Variants in NCOA2 observed in about 807,000 individuals in gnomAD.
NCOA2 encodes the protein class E basic helix-loop-helix protein 75.
Under a neutral mutation model 145.1 loss-of-function variants are expected in NCOA2, and 21 were observed. The ratio of observed to expected loss-of-function variants is 0.14; its 90% CI spans 0.10 to 0.21. The LOEUF is 0.21. Ranked by LOEUF, NCOA2 falls within the 10% of genes least tolerant of loss-of-function variation. NCOA2 has a pLI of 1.00. For synonymous variants in NCOA2, 619 were observed against 637.5 expected, an observed-to-expected ratio of 0.97 and a Z score of 0.44; for missense variants, 1,472 against 1,837.6, an observed-to-expected ratio of 0.80 and a Z score of 3.64.
chr8:70,324,108 T>C (rs576718791), intron 1 of NCOA2, among the ~76,000 whole-genome samples: 5 of 152,294 alleles, frequency 3.3e-5, no homozygotes, highest in Admixed American at 6.5e-5. Flanking sequence ...AGGATACACA[T>C]GTTAGGATAA....
intron 2 of NCOA2, among the ~76,000 whole-genome samples, chr8:70,248,181 A>T (rs1159276853): frequency 6.6e-6 from 1 of 152,252 alleles, no homozygotes; most frequent in Non-Finnish European, 1.5e-5. Context: ...GAAGTAAAAC[A>T]AGGATTCAAT....
chr8:70,191,568 C>T (rs535978853), intron 4 of NCOA2, among the ~76,000 whole-genome samples: 11 of 152,170 alleles, frequency 7.2e-5, no homozygotes, highest in Admixed American at 2.6e-4. Context: ...TAATAAAAGA[C>T]TCATCATTTA....
chr8:70,338,343 A>G (rs1807820479), intron 1 of NCOA2, among the ~76,000 whole-genome samples: 1 of 152,202 alleles, frequency 6.6e-6, no homozygotes, highest in East Asian at 1.9e-4. Flanking sequence ...AATCTAGAAA[A>G]TATGGATAAA....
At chr8:70,366,214 T>C (rs1810673326) in intron 1 of NCOA2, among the ~76,000 whole-genome samples, 1 of 152,096 alleles carries the variant, frequency 6.6e-6, no homozygotes, top group Non-Finnish European at 1.5e-5. Flanking sequence ...AAGGCTCTTG[T>C]GACCACATTC....
intron 1 of NCOA2, among the ~76,000 whole-genome samples, chr8:70,315,933 C>T (rs1376564058): frequency 6.6e-6 from 1 of 152,150 alleles, no homozygotes; most frequent in Non-Finnish European, 1.5e-5. Flanking sequence ...TGAAACACTG[C>T]CCTGCTGGGG....
intron 2 of NCOA2, among the ~76,000 whole-genome samples, chr8:70,222,835 C>T (rs1820271977): frequency 6.6e-6 from 1 of 152,184 alleles, no homozygotes; most frequent in African/African-American, 2.4e-5. Context: ...GGCCAGAATA[C>T]ATAAGTAGCA....
At chr8:70,301,555 T>G (rs928296156) in intron 1 of NCOA2, among the ~76,000 whole-genome samples, 16 of 144,178 alleles carry the variant, frequency 1.1e-4, no homozygotes, top group Non-Finnish European at 1.9e-4. Context: ...CTCATGAGGC[T>G]GGGATGGGAG....
the NCOA2 span, among the ~76,000 whole-genome samples, chr8:70,419,462 T>A: frequency 6.6e-6 from 1 of 152,318 alleles, no homozygotes; most frequent in African/African-American, 2.4e-5. Context: ...TAACTTGTGA[T>A]AATCTTAACT....
Position 70,239,967 on chromosome 8 carries a change from T to C in NCOA2, c.-19-23203A>G, listed in dbSNP as rs149740319. On this transcript the variant is annotated intron_variant, in intron 2 of 22. Transcript: ENST00000452400. ...ACTACAGTCAACAAGTTCATGATTC[T>C]CCAACCTCTCCACACAGGAAATAAT... Among the ~76,000 whole-genome samples, 486 of 152,242 alleles carry C rather than the reference T, an allele frequency of 3.2e-3. 1 individual carries two copies. Among genetic ancestry groups the C allele is most frequent in the Middle Eastern group, 0.027 (8 of 294 alleles).
intron 2 of NCOA2, among the ~76,000 whole-genome samples, chr8:70,275,102 A>C (rs1044944793): frequency 1.3e-5 from 2 of 152,240 alleles, no homozygotes; most frequent in Non-Finnish European, 2.9e-5. Context: ...TGTAGTTCTG[A>C]TTATTTTAAA....
At chr8:70,197,885 A>C (rs1343563618) in intron 4 of NCOA2, among the ~76,000 whole-genome samples, 1 of 151,192 alleles carries the variant, frequency 6.6e-6, no homozygotes, top group African/African-American at 2.4e-5. Flanking sequence ...CCCAGGCTAG[A>C]GTGCATTGGC....
At chr8:70,367,871 C>A (rs1360682535) in intron 1 of NCOA2, among the ~76,000 whole-genome samples, 3 of 152,170 alleles carry the variant, frequency 2.0e-5, no homozygotes, top group South Asian at 4.1e-4. Flanking sequence ...AAATGACAAC[C>A]TTTTACAAAT....
At chr8:70,136,625 G>A (rs1809768560) in intron 15 of NCOA2, among the ~76,000 whole-genome samples, 1 of 151,120 alleles carries the variant, frequency 6.6e-6, no homozygotes, top group Non-Finnish European at 1.5e-5. Context: ...ATATGTGAAT[G>A]TTACAGATTT....
At chr8:70,384,155 T>C (rs547516676) in intron 1 of NCOA2, among the ~76,000 whole-genome samples, 2 of 152,302 alleles carry the variant, frequency 1.3e-5, no homozygotes, top group African/African-American at 2.4e-5. Flanking sequence ...TTAATTAAAC[T>C]GTACGGCAAA....
chr8:70,235,812 C>T (rs185546534), intron 2 of NCOA2, among the ~76,000 whole-genome samples: 131 of 152,264 alleles, frequency 8.6e-4, no homozygotes, highest in African/African-American at 3.0e-3. Context: ...CCACTATGCT[C>T]CAGCCTGGAC....
intron 1 of NCOA2, among the ~76,000 whole-genome samples, chr8:70,382,771 A>C (rs1563829286): frequency 6.6e-6 from 1 of 152,210 alleles, no homozygotes; most frequent in Non-Finnish European, 1.5e-5. Flanking sequence ...GGTTAATACA[A>C]CCGATATGGA....
chr8:70,137,467 T>C (rs570368021), intron 15 of NCOA2, among the ~76,000 whole-genome samples: 2 of 152,372 alleles, frequency 1.3e-5, no homozygotes, highest in East Asian at 3.9e-4. Flanking sequence ...AGGTGGTGGA[T>C]TTAATTATTA....
chr8:70,233,153 G>A (rs986176220), intron 2 of NCOA2, among the ~76,000 whole-genome samples: 4 of 151,908 alleles, frequency 2.6e-5, no homozygotes, highest in Non-Finnish European at 4.4e-5. Flanking sequence ...TTGAACCCAG[G>A]AGGCGGAGGT....
chr8:70,354,956 T>C (rs774771357), intron 1 of NCOA2, among the ~76,000 whole-genome samples: 1 of 152,176 alleles, frequency 6.6e-6, no homozygotes, highest in Non-Finnish European at 1.5e-5. Flanking sequence ...AAGCCTACAG[T>C]AATTAAAGGT....
Sources: gnomAD v4.1 joint callset for allele counts (sites outside exome capture counted in the v4.1 genomes callset) on GRCh38, gnomAD v4.1.1 for gene constraint, MANE v1.5 for transcripts, NCBI Gene and HGNC (gene_info 2026-07-23, HGNC 2026-07-21) for gene names.